The following ERBB4 variants were observed in gnomAD, a reference collection of about 807,000 sequenced individuals.
ERBB4 encodes erb-b2 receptor tyrosine kinase 4.
In ERBB4, 42 loss-of-function variants were observed where a neutral mutation model predicts 158.0. The observed-to-expected ratio is 0.27, with a 90% CI of 0.21 to 0.34. ERBB4 has a LOEUF of 0.34. Among genes scored for constraint, ERBB4 ranks in the 10% least tolerant of loss-of-function variants. The pLI is 1.00. For synonymous variants in ERBB4, 583 were observed against 558.7 expected, an observed-to-expected ratio of 1.04 and a Z score of -0.61; for missense variants, 1,333 against 1,624.1, an observed-to-expected ratio of 0.82 and a Z score of 3.08.
chr2:212,343,957 TC>T (rs1394702357), intron 1 of ERBB4, among the ~76,000 whole-genome samples: 5 of 152,296 alleles, frequency 3.3e-5, no homozygotes, highest in East Asian at 1.9e-4. Flanking sequence ...CAATTTTTTT[TC>T]CATTTGTATA....
At chr2:211,732,490 A>G (rs2074454235) in intron 5 of ERBB4, among the ~76,000 whole-genome samples, 1 of 152,172 alleles carries the variant, frequency 6.6e-6, no homozygotes, top group Non-Finnish European at 1.5e-5. Flanking sequence ...CTAATTCCTA[A>G]TTGGTTTGGT....
At chr2:212,491,784 T>G (rs1006157831) in intron 1 of ERBB4, among the ~76,000 whole-genome samples, 2 of 151,562 alleles carry the variant, frequency 1.3e-5, no homozygotes, top group African/African-American at 2.4e-5. Flanking sequence ...GCAATGCTGT[T>G]ACTTATTTTA....
intron 3 of ERBB4, among the ~76,000 whole-genome samples, chr2:211,804,784 G>A (rs1346798346): frequency 6.6e-6 from 1 of 152,074 alleles, no homozygotes; most frequent in African/African-American, 2.4e-5. Context: ...TAGGATTTCT[G>A]GCATTGTAGC....
intron 20 of ERBB4, among the ~76,000 whole-genome samples, chr2:211,540,967 T>G (rs2066792614): frequency 1.3e-5 from 2 of 151,962 alleles, no homozygotes; most frequent in African/African-American, 4.8e-5. Context: ...AATCTTTTGA[T>G]GATGTTAAGT....
At chr2:212,117,969 TTATC>T (rs1348307983) in intron 2 of ERBB4, among the ~76,000 whole-genome samples, 5 of 152,194 alleles carry the variant, frequency 3.3e-5, no homozygotes, top group South Asian at 2.1e-4. Context: ...ACTGTATAAA[TTATC>T]TATTTATTTT....
At chr2:211,935,804 T>C (rs1431037440) in intron 3 of ERBB4, among the ~76,000 whole-genome samples, 30 of 152,170 alleles carry the variant, frequency 2.0e-4, no homozygotes, top group Non-Finnish European at 1.5e-5. Context: ...GACCCCTAAC[T>C]AATACACCTA....
chr2:212,254,265 A>T (rs1053719276), intron 1 of ERBB4, among the ~76,000 whole-genome samples: 2 of 152,192 alleles, frequency 1.3e-5, no homozygotes, highest in Non-Finnish European at 2.9e-5. Context: ...TATTTTATTT[A>T]CCAACCCAGT....
At chr2:211,804,830 G>T (rs1245382298) in intron 3 of ERBB4, among the ~76,000 whole-genome samples, 1 of 151,958 alleles carries the variant, frequency 6.6e-6, no homozygotes, top group African/African-American at 2.4e-5. Context: ...GAGGAACATG[G>T]TTAGAGTGAA....
intron 20 of ERBB4, among the ~76,000 whole-genome samples, chr2:211,513,267 C>T (rs140483067): frequency 0.012 from 1,795 of 146,374 alleles, 33 homozygotes; most frequent in African/African-American, 0.042. Flanking sequence ...AGGAGAATGG[C>T]GTGAACCCGG....
At chr2:212,247,607 C>T (rs2106035878) in intron 1 of ERBB4, among the ~76,000 whole-genome samples, 1 of 152,214 alleles carries the variant, frequency 6.6e-6, no homozygotes, top group East Asian at 1.9e-4. Flanking sequence ...GTCTAGAAAG[C>T]AATTAAAACC....
chr2:212,052,133 G>T (rs2077416000), intron 2 of ERBB4, among the ~76,000 whole-genome samples: 1 of 152,204 alleles, frequency 6.6e-6, no homozygotes, highest in South Asian at 2.1e-4. Context: ...AATGCAGCTA[G>T]AATAAAGCAG....
chr2:212,294,790 A>G (rs1487929714), intron 1 of ERBB4, among the ~76,000 whole-genome samples: 1 of 152,112 alleles, frequency 6.6e-6, no homozygotes, highest in African/African-American at 2.4e-5. Context: ...CTTATATATA[A>G]ATAATACAGC....
rs565651823 is a variant in ERBB4, at chr2:212,166,067, C to T, written c.83-41164G>A. Among the ~76,000 whole-genome samples, 9 of 146,162 alleles carry T rather than the reference C, an allele frequency of 6.2e-5. No homozygotes were observed. The East Asian group carries it at 1.6e-3, about 26-fold the overall frequency. On this transcript the variant is annotated intron_variant, in intron 1 of 27. Coordinates refer to ENST00000342788, the MANE Select transcript of ERBB4 (RefSeq NM_005235.3). ...GATAACATCACAATCATTTTTTTTT[C>T]AAATTCTATTTAGTCCTGCCCCAAA...
chr2:211,441,565 T>A (rs1325096371), intron 20 of ERBB4, among the ~76,000 whole-genome samples: 1 of 152,140 alleles, frequency 6.6e-6, no homozygotes, highest in Non-Finnish European at 1.5e-5. Context: ...TTTGTTTGTT[T>A]TTCAGGACTC....
intron 20 of ERBB4, among the ~76,000 whole-genome samples, chr2:211,445,926 C>A (rs2064101370): frequency 6.6e-6 from 1 of 151,990 alleles, no homozygotes; most frequent in Admixed American, 6.6e-5. Flanking sequence ...GTTCCAGCAG[C>A]AGAGATGGGA....
intron 1 of ERBB4, among the ~76,000 whole-genome samples, chr2:212,281,968 A>T (rs77591208): frequency 6.6e-6 from 1 of 151,912 alleles, no homozygotes; most frequent in Non-Finnish European, 1.5e-5. Flanking sequence ...AGTCAAAAAA[A>T]GTATGCATTG....
intron 23 of ERBB4, among the ~76,000 whole-genome samples, chr2:211,422,409 G>T (rs1212708541): frequency 1.3e-5 from 2 of 150,454 alleles, no homozygotes; most frequent in African/African-American, 4.9e-5. Flanking sequence ...GAGAAGATTT[G>T]GTTACAATGC....
At chr2:212,449,007 T>A (rs1316588611) in intron 1 of ERBB4, among the ~76,000 whole-genome samples, 1 of 152,150 alleles carries the variant, frequency 6.6e-6, no homozygotes, top group Non-Finnish European at 1.5e-5. Flanking sequence ...GTCATTTATC[T>A]CTTCATATTT....
At chr2:211,562,824 T>G (rs1027108474) in intron 19 of ERBB4, among the ~76,000 whole-genome samples, 1 of 142,680 alleles carries the variant, frequency 7.0e-6, no homozygotes, top group East Asian at 2.0e-4. Context: ...CAGGCTGGAG[T>G]GCAGTGGCGG....
Sources: allele counts gnomAD v4.1 joint callset (sites outside exome capture counted in the v4.1 genomes callset), GRCh38; gene constraint gnomAD v4.1.1; transcripts MANE v1.5; gene names NCBI Gene and HGNC (gene_info 2026-07-23, HGNC 2026-07-21).